ARHGEF10L: variants seen among roughly 807,000 people sequenced by gnomAD.
ARHGEF10L encodes rho guanine nucleotide exchange factor 10-like protein.
Under a neutral mutation model 141.2 loss-of-function variants are expected in ARHGEF10L, and 69 were observed. The observed-to-expected ratio is 0.49, with a 90% confidence interval of 0.40 to 0.60. ARHGEF10L has a LOEUF of 0.60. ARHGEF10L is among the 20% of genes least tolerant of loss of function. ARHGEF10L has a pLI of 0.00. For missense variants in ARHGEF10L, 1,482 were observed against 1,734.3 expected (o/e 0.85, Z 2.58); for synonymous variants, 711 against 718.5 (o/e 0.99, Z 0.17).
the ARHGEF10L span, among the ~76,000 whole-genome samples, chr1:17,522,887 T>C: frequency 6.6e-6 from 1 of 151,944 alleles, no homozygotes; most frequent in African/African-American, 2.4e-5. Flanking sequence ...GTTGATCCCA[T>C]CCTGTCTTCT....
chr1:17,625,909 C>T lies in ARHGEF10L; in HGVS notation c.1318-47C>T. 1.9e-6 allele frequency: 3 copies of T among 1,545,854 alleles called. No individual in the cohort carries two copies. The highest frequency in any genetic ancestry group is 2.7e-6 in the Non-Finnish European group (3 of 1,120,272). The stretch of plus-strand genomic sequence containing the variant: ...AGTGTCTGGACTCTGGGGCACTGGG[C>T]CCTCTCTGCAGGGGGTCAGCGAATG... On this transcript the variant is annotated intron_variant, in intron 13 of 28. Coordinates refer to ENST00000361221, the MANE Select transcript of ARHGEF10L (RefSeq NM_018125.4). The surrounding 1 kb of genome is among the most constrained non-coding windows in gnomAD (Gnocchi z 4.5).
Position 17,639,586 on chromosome 1 carries a change from C to T in ARHGEF10L, c.2172-616C>T, listed in dbSNP as rs74059385. ...CCTTCTCTCTGCCTCTCATTCTCCA[C>T]GTGCACCCTAGAGGCTTGTGACACT... On this transcript the variant is annotated intron_variant, in intron 20 of 28. Transcript: ENST00000361221. The surrounding 1 kb of genome is among the most constrained non-coding windows in gnomAD (Gnocchi z 4.3). Among the ~76,000 whole-genome samples the T allele has an allele frequency of 9.5e-3, 1,442 of 152,274 alleles. 23 individuals carry two copies. The highest frequency in any genetic ancestry group is 0.033 in the African/African-American group (1,369 of 41,558).
the ARHGEF10L span, among the ~76,000 whole-genome samples, chr1:17,531,413 T>C: frequency 6.6e-6 from 1 of 152,180 alleles, no homozygotes; most frequent in Non-Finnish European, 1.5e-5. Context: ...ACCCCTTGAG[T>C]TCTTGGGGGA....
intron 26 of ARHGEF10L, among the ~76,000 whole-genome samples, chr1:17,683,117 G>GGTGCTCACTGCCCCCTGCTCTCACCGC (rs2064257696): frequency 1.5e-5 from 2 of 137,114 alleles, no homozygotes; most frequent in Admixed American, 7.1e-5. Context: ...GCTCTCACCG[G>GGTGCTCACTGCCCCCTGCTCTCACCGC]GGTGCTCACT....
In ARHGEF10L at chr1:17,616,261, G is replaced by C. The variant is rs1396047885; in HGVS notation, c.835+59G>C. The C allele has an allele frequency of 6.0e-6, 8 of 1,327,178 alleles. No individual in the cohort carries two copies. In the Admixed American group the frequency reaches 1.2e-4, roughly 20 times the overall value. 82.2% of individuals were successfully genotyped at this position (1,327,178 alleles called of 1,614,324 possible). On this transcript the variant is annotated intron_variant, in intron 9 of 28. Transcript: ENST00000361221. ...CCAGCTCTGACTGGGGGTCGGGGAG[G>C]GTGGGATTTTGCTTTACACCCCAGA...
Position 17,627,583 on chromosome 1 carries a change from C to A in ARHGEF10L, c.1584+80C>A. On this transcript the variant is annotated intron_variant, in intron 15 of 28. Coordinates refer to ENST00000361221, the MANE Select transcript of ARHGEF10L (RefSeq NM_018125.4). The surrounding 1 kb of genome is among the most constrained non-coding windows in gnomAD (Gnocchi z 4.0). ...CTGCCCGTGCCCCTGCCCCACGCCA[C>A]CCACACTAGGTGGCAGTGTTCTCTG... The A allele has an allele frequency of 6.6e-7, 1 of 1,511,598 alleles. No homozygotes were observed. The highest frequency in any genetic ancestry group is 1.3e-5 in the South Asian group (1 of 79,608). The allele number at this position is 1,511,598 out of a possible 1,614,324, so 93.6% of individuals were successfully genotyped here.
intron 25 of ARHGEF10L, among the ~76,000 whole-genome samples, chr1:17,660,768 G>A (rs2062572089): frequency 6.6e-6 from 1 of 152,224 alleles, no homozygotes; most frequent in Admixed American, 6.5e-5. Context: ...CAGAAGAATG[G>A]GCTGTCATAC....
chr1:17,641,193 T>C (rs772180532), intron 21 of ARHGEF10L, among the ~76,000 whole-genome samples: 11 of 152,254 alleles, frequency 7.2e-5, no homozygotes, highest in Non-Finnish European at 1.5e-4. Flanking sequence ...GAGAGGCTTA[T>C]GTCCCCTCCA....
intron 20 of ARHGEF10L, 61 bp from the exon 21 acceptor site, chr1:17,640,141 C>T: frequency 2.6e-6 from 4 of 1,558,864 alleles, no homozygotes; most frequent in Non-Finnish European, 3.5e-6. Context: ...TACGTGACAG[C>T]TGGGGGAGCC....
At chr1:17,677,815 G>A (rs949809081) in intron 26 of ARHGEF10L, among the ~76,000 whole-genome samples, 3 of 152,324 alleles carry the variant, frequency 2.0e-5, no homozygotes, top group East Asian at 1.9e-4. Context: ...GTCTGCCTCC[G>A]GGCCTGTGGG....
chr1:17,556,560 C>T (rs1347555752), intron 1 of ARHGEF10L, among the ~76,000 whole-genome samples: 1 of 152,128 alleles, frequency 6.6e-6, no homozygotes, highest in Non-Finnish European at 1.5e-5. Context: ...CAAGGCTTGC[C>T]CCATCAGGAA....
chr1:17,581,309 C>CAAA (rs71014975), intron 2 of ARHGEF10L, among the ~76,000 whole-genome samples: 1,146 of 68,610 alleles, frequency 0.017, 27 homozygotes, highest in East Asian at 0.065. Flanking sequence ...AAGACTGTCT[C>CAAA]AAAAAAAAAA....
At position 17,625,648 on chromosome 1, in the gene ARHGEF10L, C is replaced by T. The variant is rs1181348251; in HGVS notation, c.1318-308C>T. Among the ~76,000 whole-genome samples, 1 of 152,166 alleles carries T rather than the reference C, an allele frequency of 6.6e-6. No individual in the cohort carries two copies. Among genetic ancestry groups the T allele is most frequent in the Non-Finnish European group, 1.5e-5 (1 of 68,032 alleles). On this transcript the variant is annotated intron_variant, in intron 13 of 28. Coordinates refer to ENST00000361221, the MANE Select transcript of ARHGEF10L (RefSeq NM_018125.4). This position sits in a 1 kb window ranked among gnomAD's most constrained non-coding sequence, Gnocchi z 4.5. Reference sequence around the variant, plus strand: ...TAGTTTAAGTGGAGGGAATGGTTGCCTTGGCCACTTCTAGAAGTCTGACAT... The same window carrying T: ...TAGTTTAAGTGGAGGGAATGGTTGCTTTGGCCACTTCTAGAAGTCTGACAT...
chr1:17,692,548 C>A (rs1484871007), intron 27 of ARHGEF10L, among the ~76,000 whole-genome samples: 3 of 152,214 alleles, frequency 2.0e-5, no homozygotes. Context: ...CCTCTCCCAG[C>A]AGCTCTGTCG....
intron 22 of ARHGEF10L, among the ~76,000 whole-genome samples, chr1:17,651,766 GGAGGGAGGC>G (rs1206698431): frequency 6.6e-6 from 1 of 152,184 alleles, no homozygotes; most frequent in African/African-American, 2.4e-5. Flanking sequence ...CAGGGCTAGT[GGAGGGAGGC>G]GAGTGACTCT....
Position 17,627,584 on chromosome 1 carries a change from C to A in ARHGEF10L, c.1584+81C>A. On this transcript the variant is annotated intron_variant, in intron 15 of 28. Coordinates refer to ENST00000361221, the MANE Select transcript of ARHGEF10L (RefSeq NM_018125.4). This position sits in a 1 kb window ranked among gnomAD's most constrained non-coding sequence, Gnocchi z 4.0. Reference sequence around the variant, plus strand: ...TGCCCGTGCCCCTGCCCCACGCCACCCACACTAGGTGGCAGTGTTCTCTGA... The same window carrying A: ...TGCCCGTGCCCCTGCCCCACGCCACACACACTAGGTGGCAGTGTTCTCTGA... 1.3e-6 allele frequency: 2 copies of A among 1,509,634 alleles called. No homozygotes were observed. Among genetic ancestry groups the A allele is most frequent in the South Asian group, 2.5e-5 (2 of 79,344 alleles). The allele number at this position is 1,509,634 out of a possible 1,614,324, so 93.5% of individuals were successfully genotyped here.
Position 17,687,748 on chromosome 1 carries a change from G to C in ARHGEF10L, c.3184+1G>C. ...ACCAGGACCACCTTCCTCCTGCCAG[G>C]TGAGGCTGCCTCGGGCACGGGGGAG... On this transcript the variant is annotated splice_donor_variant, in intron 27 of 28. Transcript: ENST00000361221. LOFTEE classifies it high-confidence loss of function. The C allele has an allele frequency of 1.3e-6, 2 of 1,573,510 alleles. No individual in the cohort carries two copies. The highest frequency in any genetic ancestry group is 1.7e-6 in the Non-Finnish European group (2 of 1,158,034).
chr1:17,572,214 G>A (rs879570940), intron 1 of ARHGEF10L, among the ~76,000 whole-genome samples: 11 of 152,214 alleles, frequency 7.2e-5, no homozygotes, highest in Non-Finnish European at 1.5e-4. Flanking sequence ...AGACCACCAG[G>A]GCACCGGCAG....
intron 21 of ARHGEF10L, among the ~76,000 whole-genome samples, chr1:17,645,543 G>A (rs981951330): frequency 7.2e-5 from 11 of 152,128 alleles, no homozygotes; most frequent in Admixed American, 6.5e-4. Flanking sequence ...TGGGGGTCCA[G>A]ACCAGAGCTC....
Sources: gnomAD v4.1 joint callset for allele counts (sites outside exome capture counted in the v4.1 genomes callset) on GRCh38, gnomAD v4.1.1 for gene constraint, Gnocchi (gnomAD v3.1) non-coding constraint, MANE v1.5 for transcripts, NCBI Gene and HGNC (gene_info 2026-07-23, HGNC 2026-07-21) for gene names.